The following SEL1L2 variants were observed in gnomAD, a reference collection of about 807,000 sequenced individuals.
SEL1L2 encodes SEL1L2 adaptor subunit of SYVN1 ubiquitin ligase, also known as protein sel-1 homolog 2.
Under a neutral mutation model 98.8 loss-of-function variants are expected in SEL1L2, and 89 were observed. The observed-to-expected ratio is 0.90, with a 90% CI of 0.76 to 1.07. SEL1L2 has a LOEUF of 1.07. SEL1L2 is among the 50% of genes least tolerant of loss of function. The pLI is 0.00. For synonymous variants in SEL1L2, 262 were observed against 278.5 expected (o/e 0.94, Z 0.59); for missense variants, 788 against 812.0 (o/e 0.97, Z 0.36).
At chr20:13,905,525 A>G (rs962792306) in intron 5 of SEL1L2, among the ~76,000 whole-genome samples, 10 of 152,098 alleles carry the variant, frequency 6.6e-5, no homozygotes, top group African/African-American at 1.9e-4. Flanking sequence ...CATGTTAGCC[A>G]GAATGGTCTC....
At chr20:13,919,886 C>A (rs1398533471) in intron 3 of SEL1L2, among the ~76,000 whole-genome samples, 1 of 149,290 alleles carries the variant, frequency 6.7e-6, no homozygotes, top group African/African-American at 2.5e-5. Context: ...GGTTGCACCA[C>A]TGCACTCCAG....
chr20:13,893,446 G>T (rs1216937614), intron 5 of SEL1L2, among the ~76,000 whole-genome samples: 2 of 152,152 alleles, frequency 1.3e-5, no homozygotes, highest in East Asian at 1.9e-4. Flanking sequence ...ATGATAAAAG[G>T]TTCGCTTCAT....
At chr20:13,872,964 T>A (rs1410262620) in intron 12 of SEL1L2, among the ~76,000 whole-genome samples, 1 of 152,110 alleles carries the variant, frequency 6.6e-6, no homozygotes, top group Non-Finnish European at 1.5e-5. Context: ...GGCAGTCCTG[T>A]TTCATCAGCG....
intron 5 of SEL1L2, among the ~76,000 whole-genome samples, chr20:13,907,761 CTTTTCT>C (rs2048023901): frequency 9.8e-5 from 10 of 102,374 alleles, no homozygotes; most frequent in Admixed American, 3.1e-4. Flanking sequence ...CTTTTCTTTT[CTTTTCT>C]TTTTTTTTCT....
chr20:13,873,833 A>T (rs752951871), intron 12 of SEL1L2, among the ~76,000 whole-genome samples: 38 of 152,174 alleles, frequency 2.5e-4, no homozygotes, highest in Non-Finnish European at 4.4e-4. Context: ...CCTGCCCTGG[A>T]CCCCTTTATT....
chr20:13,911,882 T>C (rs2048219260), intron 5 of SEL1L2, among the ~76,000 whole-genome samples: 1 of 152,152 alleles, frequency 6.6e-6, no homozygotes. Flanking sequence ...CTTTGACCAA[T>C]ATCTCCCTAA....
intron 2 of SEL1L2, among the ~76,000 whole-genome samples, chr20:13,947,399 A>G (rs979993956): frequency 6.6e-6 from 1 of 152,046 alleles, no homozygotes. Context: ...TCTCATCTCC[A>G]GTAAGAGCTG....
upstream of SEL1L2, chr20:13,990,744 T>C: frequency 1.9e-6 from 1 of 525,764 alleles, no homozygotes; most frequent in Non-Finnish European, 3.3e-6. Flanking sequence ...AAGGATCCAC[T>C]GCTATTCCTC....
intron 1 of SEL1L2, among the ~76,000 whole-genome samples, chr20:13,963,283 G>A (rs2050865992): frequency 6.9e-6 from 1 of 143,920 alleles, no homozygotes. Context: ...CTATTGTTCT[G>A]TTCATCAACC....
At chr20:13,978,901 A>T (rs2051676398) in intron 1 of SEL1L2, among the ~76,000 whole-genome samples, 1 of 152,086 alleles carries the variant, frequency 6.6e-6, no homozygotes, top group Non-Finnish European at 1.5e-5. Context: ...TCTACTAAGA[A>T]TACAAAAATT....
At chr20:13,877,625 A>G in intron 10 of SEL1L2, 37 bp from the exon 11 acceptor site, 1 of 1,524,700 alleles carries the variant, frequency 6.6e-7, no homozygotes, top group Non-Finnish European at 9.1e-7. Flanking sequence ...GCTAGTCACA[A>G]AATAAATCCT....
chr20:13,853,633 G>C (rs538446756), intron 18 of SEL1L2, among the ~76,000 whole-genome samples: 1 of 152,280 alleles, frequency 6.6e-6, no homozygotes, highest in African/African-American at 2.4e-5. Context: ...CTATAGGACA[G>C]GTGATACTAT....
chr20:13,939,428 G>C (rs1022480704), intron 2 of SEL1L2, among the ~76,000 whole-genome samples: 5 of 152,022 alleles, frequency 3.3e-5, no homozygotes, highest in Admixed American at 2.6e-4. Flanking sequence ...TACATTTTCT[G>C]AACTAATTTC....
intron 1 of SEL1L2, among the ~76,000 whole-genome samples, chr20:13,987,532 G>C (rs1041935626): frequency 1.3e-5 from 2 of 151,596 alleles, no homozygotes; most frequent in African/African-American, 2.4e-5. Context: ...TTTTAGTAGA[G>C]ACAGGGTTTC....
chr20:13,921,853 G>T (rs563099383), intron 3 of SEL1L2, among the ~76,000 whole-genome samples: 16 of 152,006 alleles, frequency 1.1e-4, no homozygotes, highest in African/African-American at 3.9e-4. Flanking sequence ...GATTTGGAAC[G>T]TCATTTACTA....
At chr20:13,990,426 G>T in intron 1 of SEL1L2, 51 bp downstream of exon 1, 1 of 1,316,716 alleles carries the variant, frequency 7.6e-7, no homozygotes, top group Non-Finnish European at 1.1e-6. Flanking sequence ...GGCGCTGTTT[G>T]AGCAAAGAGA....
chr20:13,861,096 C>A (rs1354633930), intron 17 of SEL1L2, among the ~76,000 whole-genome samples: 1 of 152,204 alleles, frequency 6.6e-6, no homozygotes, highest in Admixed American at 6.5e-5. Flanking sequence ...TACAATACTA[C>A]AATAGGCTTC....
intron 1 of SEL1L2, among the ~76,000 whole-genome samples, chr20:13,977,108 G>A (rs1031560970): frequency 6.6e-6 from 1 of 152,192 alleles, no homozygotes; most frequent in Non-Finnish European, 1.5e-5. Flanking sequence ...GAAAACAAAT[G>A]TTGATTTAAG....
intron 2 of SEL1L2, among the ~76,000 whole-genome samples, chr20:13,933,872 T>G (rs2049271928): frequency 6.6e-6 from 1 of 152,174 alleles, no homozygotes. Context: ...GGGCACATAG[T>G]GCTTTCAGCT....
Sources: gnomAD v4.1 joint callset for allele counts (sites outside exome capture counted in the v4.1 genomes callset) on GRCh38, gnomAD v4.1.1 for gene constraint, MANE v1.5 for transcripts, NCBI Gene and HGNC (gene_info 2026-07-23, HGNC 2026-07-21) for gene names.